The following VTI1A variants were observed in gnomAD, a reference collection of about 807,000 sequenced individuals.
VTI1A encodes the protein vesicle transport through interaction with t-SNAREs 1A.
In VTI1A, 22 loss-of-function variants were observed where a neutral mutation model predicts 34.9. The ratio of observed to expected loss-of-function variants is 0.63; its 90% CI spans 0.45 to 0.90. The LOEUF (loss-of-function observed/expected upper bound fraction) is 0.90, where lower values mean the gene tolerates loss of function less well. Ranked by LOEUF, VTI1A falls within the 40% of genes least tolerant of loss-of-function variation. VTI1A has a pLI of 0.00. For missense variants in VTI1A, 268 were observed against 275.6 expected, an observed-to-expected ratio of 0.97 and a Z score of 0.20; for synonymous variants, 87 against 97.3, an observed-to-expected ratio of 0.89 and a Z score of 0.62.
At chr10:112,838,699 G>T in the VTI1A span, among the ~76,000 whole-genome samples, 1 of 152,168 alleles carries the variant, frequency 6.6e-6, no homozygotes, top group Non-Finnish European at 1.5e-5. Flanking sequence ...CAGGGGGGTG[G>T]CAGAGAAGGA....
downstream of VTI1A, among the ~76,000 whole-genome samples, chr10:112,821,371 A>G (rs1853651664): frequency 6.6e-6 from 1 of 152,074 alleles, no homozygotes; most frequent in Non-Finnish European, 1.5e-5. Flanking sequence ...TCAGGAGGGG[A>G]CAATACCTGG....
Position 112,668,520 on chromosome 10 carries a change from A to C in VTI1A, c.498+232A>C, listed in dbSNP as rs148839383. On this transcript the variant is annotated intron_variant, in intron 6 of 7. Coordinates refer to ENST00000393077, the MANE Select transcript of VTI1A (RefSeq NM_145206.4). ...GTATTTTATTTACTTCTTATAGAGG[A>C]GAAGGTCACTGAGGGAGATTTTGGA... 4.8e-3 allele frequency among the ~76,000 whole-genome samples: 738 copies of C among 152,254 alleles called. 3 individuals carry two copies. Among genetic ancestry groups the C allele is most frequent in the African/African-American group, 0.017 (694 of 41,556 alleles).
intron 3 of VTI1A, among the ~76,000 whole-genome samples, chr10:112,482,554 A>T (rs188183837): frequency 6.6e-6 from 1 of 152,278 alleles, no homozygotes; most frequent in African/African-American, 2.4e-5. Context: ...AAAATATACC[A>T]TATTTTGGCA....
intron 7 of VTI1A, among the ~76,000 whole-genome samples, chr10:112,671,491 C>G (rs1847843287): frequency 6.6e-6 from 1 of 152,132 alleles, no homozygotes; most frequent in African/African-American, 2.4e-5. Flanking sequence ...GTTAAATATT[C>G]TGTAGTATAC....
chr10:112,668,994 C>G lies in VTI1A; in HGVS notation c.556C>G (p.Arg186Gly). The change falls in exon 7 of 8, where the codon CGA (arginine) becomes GGA (glycine). Residue 186 changes from arginine (R) to glycine (G), a missense_variant. Coordinates refer to ENST00000393077, the MANE Select transcript of VTI1A (RefSeq NM_145206.4). ...KSSRILTGML[R>G]RIIQNRILLV... is the part of the protein sequence containing the mutation. Reference sequence around the variant, plus strand: ...CTCCAGGATTCTGACAGGGATGTTGCGAAGGTAAGAGCAAGGTAGGGACAT... The same window carrying G: ...CTCCAGGATTCTGACAGGGATGTTGGGAAGGTAAGAGCAAGGTAGGGACAT... 6.2e-7 allele frequency: 1 copy of G among 1,611,946 alleles called. No homozygotes were observed. The highest frequency in any genetic ancestry group is 8.5e-7 in the Non-Finnish European group (1 of 1,178,480).
chr10:112,750,554 G>A (rs532845159), intron 7 of VTI1A, among the ~76,000 whole-genome samples: 2 of 152,176 alleles, frequency 1.3e-5, no homozygotes, highest in Admixed American at 1.3e-4. Context: ...CACTCTAATG[G>A]CAGAAAGGGC....
chr10:112,611,694 C>T (rs1334474536), intron 5 of VTI1A, among the ~76,000 whole-genome samples: 1 of 144,504 alleles, frequency 6.9e-6, no homozygotes, highest in Admixed American at 6.8e-5. Flanking sequence ...CAAAATCTGA[C>T]AAAATAGTCA....
chr10:112,591,377 G>A lies in VTI1A; in HGVS notation c.427+53047G>A, dbSNP rs999722431. ...CTACTAACAATACAAAAAATTAGCC[G>A]GGTGTGGTGGCAGGTGCCTGTAGTC... On this transcript the variant is annotated intron_variant, in intron 5 of 7. Transcript: ENST00000393077. Among the ~76,000 whole-genome samples, 5 of 152,058 alleles carry A rather than the reference G, an allele frequency of 3.3e-5. 1 individual carries two copies. The highest frequency in any genetic ancestry group is 1.9e-4 in the East Asian group (1 of 5,154).
chr10:112,792,027 G>A (rs1049810668), intron 7 of VTI1A, among the ~76,000 whole-genome samples: 2 of 152,150 alleles, frequency 1.3e-5, no homozygotes, highest in Non-Finnish European at 2.9e-5. Flanking sequence ...TGTAATCCCA[G>A]CACTTTGGAA....
chr10:112,530,939 G>A (rs576419582), intron 4 of VTI1A, among the ~76,000 whole-genome samples: 1 of 152,188 alleles, frequency 6.6e-6, no homozygotes, highest in South Asian at 2.1e-4. Context: ...TTCGACCCAC[G>A]ATAATGTGTA....
chr10:112,545,962 A>T (rs1014568728), intron 5 of VTI1A, among the ~76,000 whole-genome samples: 1 of 150,738 alleles, frequency 6.6e-6, no homozygotes, highest in Admixed American at 6.6e-5. Context: ...GTGTGTGTAT[A>T]TACGTGTATA....
At chr10:112,552,013 C>A (rs1278218793) in intron 5 of VTI1A, among the ~76,000 whole-genome samples, 6 of 152,098 alleles carry the variant, frequency 3.9e-5, no homozygotes, top group African/African-American at 1.4e-4. Flanking sequence ...CATTAATAGA[C>A]AGATATGTAA....
chr10:112,613,069 GAATA>G (rs1845381361), intron 5 of VTI1A, among the ~76,000 whole-genome samples: 1 of 152,000 alleles, frequency 6.6e-6, no homozygotes, highest in Non-Finnish European at 1.5e-5. Context: ...TCAACAGAGT[GAATA>G]AATATTACTC....
At chr10:112,547,082 C>A (rs1372905566) in intron 5 of VTI1A, among the ~76,000 whole-genome samples, 1 of 152,140 alleles carries the variant, frequency 6.6e-6, no homozygotes, top group African/African-American at 2.4e-5. Context: ...GAGTTGGATA[C>A]CAGCCTGGGC....
intron 5 of VTI1A, among the ~76,000 whole-genome samples, chr10:112,552,417 G>A (rs982145209): frequency 6.6e-6 from 1 of 151,968 alleles, no homozygotes; most frequent in African/African-American, 2.4e-5. Flanking sequence ...ATTAGGACCT[G>A]TTCATTTGAA....
At chr10:112,709,122 T>C (rs1005595443) in intron 7 of VTI1A, among the ~76,000 whole-genome samples, 2 of 152,146 alleles carry the variant, frequency 1.3e-5, no homozygotes, top group Admixed American at 1.3e-4. Context: ...GCATATATTC[T>C]CCTTCATCTC....
intron 3 of VTI1A, among the ~76,000 whole-genome samples, chr10:112,482,123 G>A (rs925151087): frequency 4.6e-5 from 7 of 152,096 alleles, no homozygotes; most frequent in Admixed American, 1.3e-4. Flanking sequence ...ATACTATCCT[G>A]TGTCTTAAAC....
Position 112,818,401 on chromosome 10 carries a change from G to GA in VTI1A, c.*3026dup, listed in dbSNP as rs1564938607. The GA allele has an allele frequency of 1.3e-5, 3 of 230,248 alleles. No individual in the cohort carries two copies. The highest frequency in any genetic ancestry group is 1.2e-4 in the East Asian group (2 of 16,346). 14.3% of individuals were successfully genotyped at this position (230,248 alleles called of 1,614,324 possible). On this transcript the variant is annotated 3_prime_UTR_variant, in exon 8 of 8. Coordinates refer to ENST00000393077, the MANE Select transcript of VTI1A (RefSeq NM_145206.4). ...TATCAACCCATAGAAGAAGGGAGGG[G>GA]AAAAAAAAGAAAGAAAGGAAAAGCA...
At position 112,572,610 on chromosome 10, in the gene VTI1A, G is replaced by A. The variant is rs1028537259; in HGVS notation, c.427+34280G>A. 3.9e-5 allele frequency among the ~76,000 whole-genome samples: 6 copies of A among 152,186 alleles called. No individual in the cohort carries two copies. In the South Asian group the frequency reaches 8.3e-4, roughly 21 times the overall value. On this transcript the variant is annotated intron_variant, in intron 5 of 7. Transcript: ENST00000393077. ...TCCCAGCACTTTGGGAGGCTGAGGC[G>A]GGCGGATCACGAGGTCAGGAGATCG... is the stretch of plus-strand genomic sequence containing the variant.
Sources: gnomAD v4.1 joint callset for allele counts (sites outside exome capture counted in the v4.1 genomes callset) on GRCh38, gnomAD v4.1.1 for gene constraint, MANE v1.5 for transcripts, NCBI Gene and HGNC (gene_info 2026-07-23, HGNC 2026-07-21) for gene names.